Variants in TNFSF4 observed in about 807,000 individuals in gnomAD.
The protein encoded by TNFSF4 is TNF superfamily member 4, also known as tumor necrosis factor ligand superfamily member 4.
TNFSF4 carries 4 observed loss-of-function variants against 7.3 expected under a neutral mutation model. That is an observed-to-expected ratio of 0.55 (90% CI 0.27 to 1.25). The LOEUF (loss-of-function observed/expected upper bound fraction) is 1.25. TNFSF4 is among the 50% of genes most tolerant of loss of function. The pLI, the probability that TNFSF4 is intolerant of heterozygous loss-of-function variation, is 0.12. For missense variants in TNFSF4, 181 were observed against 208.8 expected, an observed-to-expected ratio of 0.87 and a Z score of 0.82; for synonymous variants, 76 against 83.7, an observed-to-expected ratio of 0.91 and a Z score of 0.50.
At chr1:173,257,880 C>T in the TNFSF4 span, among the ~76,000 whole-genome samples, 1 of 152,106 alleles carries the variant, frequency 6.6e-6, no homozygotes, top group Non-Finnish European at 1.5e-5. Context: ...CTGGCACCAC[C>T]CTCCAGATGT....
the TNFSF4 span, among the ~76,000 whole-genome samples, chr1:173,317,322 T>C: frequency 6.6e-6 from 1 of 152,356 alleles, no homozygotes; most frequent in South Asian, 2.1e-4. Context: ...AACAGCATGA[T>C]GATACCTGCA....
chr1:173,400,906 G>A, the TNFSF4 span, among the ~76,000 whole-genome samples: 46 of 152,276 alleles, frequency 3.0e-4, no homozygotes, highest in East Asian at 7.7e-3. Flanking sequence ...AATAAGTAGT[G>A]ATAGAAAGTA....
the TNFSF4 span, among the ~76,000 whole-genome samples, chr1:173,214,128 A>G: frequency 6.6e-6 from 1 of 152,190 alleles, no homozygotes; most frequent in Admixed American, 6.5e-5. Flanking sequence ...GAGTTTTTGC[A>G]TATGTTTATT....
the TNFSF4 span, among the ~76,000 whole-genome samples, chr1:173,375,540 C>T: frequency 6.6e-6 from 1 of 152,098 alleles, no homozygotes; most frequent in Admixed American, 6.5e-5. Flanking sequence ...TTGTAAAACT[C>T]ACCAATCAGC....
At chr1:173,373,532 C>T in the TNFSF4 span, among the ~76,000 whole-genome samples, 1 of 152,212 alleles carries the variant, frequency 6.6e-6, no homozygotes, top group African/African-American at 2.4e-5. Context: ...AGACCCTCCA[C>T]CAAACTTTTC....
the TNFSF4 span, among the ~76,000 whole-genome samples, chr1:173,441,125 T>C: frequency 6.6e-6 from 1 of 152,162 alleles, no homozygotes; most frequent in Non-Finnish European, 1.5e-5. Context: ...ACAGTTCAAC[T>C]CCAACCACCA....
chr1:173,225,263 A>C, the TNFSF4 span, among the ~76,000 whole-genome samples: 1 of 152,284 alleles, frequency 6.6e-6, no homozygotes, highest in East Asian at 1.9e-4. Flanking sequence ...ACACTTTCTC[A>C]CTCATCCTTA....
chr1:173,263,704 C>T, the TNFSF4 span, among the ~76,000 whole-genome samples: 1 of 141,790 alleles, frequency 7.1e-6, no homozygotes, highest in African/African-American at 2.6e-5. Flanking sequence ...GCTGAGATGG[C>T]CCTTCAGAGA....
chr1:173,435,294 T>C, the TNFSF4 span, among the ~76,000 whole-genome samples: 1 of 152,222 alleles, frequency 6.6e-6, no homozygotes, highest in Non-Finnish European at 1.5e-5. Flanking sequence ...TTCTAAAACT[T>C]ACTAAATAAC....
chr1:173,427,595 AG>A, the TNFSF4 span, among the ~76,000 whole-genome samples: 1 of 152,238 alleles, frequency 6.6e-6, no homozygotes, highest in Non-Finnish European at 1.5e-5. Flanking sequence ...TCGTTTTGAC[AG>A]AAAAATGAAA....
At chr1:173,377,192 A>G in the TNFSF4 span, among the ~76,000 whole-genome samples, 9 of 152,322 alleles carry the variant, frequency 5.9e-5, no homozygotes, top group East Asian at 1.5e-3. Flanking sequence ...CCACAAATGT[A>G]CAATCACCAA....
chr1:173,228,767 A>C, the TNFSF4 span, among the ~76,000 whole-genome samples: 1 of 152,226 alleles, frequency 6.6e-6, no homozygotes, highest in Non-Finnish European at 1.5e-5. Flanking sequence ...CATGGCAAAG[A>C]AACTAAGTGA....
chr1:173,319,208 G>A, the TNFSF4 span, among the ~76,000 whole-genome samples: 1 of 152,190 alleles, frequency 6.6e-6, no homozygotes, highest in Non-Finnish European at 1.5e-5. Flanking sequence ...TCCCCTGACA[G>A]TGCTAAAGGG....
chr1:173,178,648 T>A, the TNFSF4 span, among the ~76,000 whole-genome samples: 1 of 152,204 alleles, frequency 6.6e-6, no homozygotes, highest in Non-Finnish European at 1.5e-5. Context: ...TTGGCTTCTA[T>A]TTTCTTTTCT....
chr1:173,414,005 A>G, the TNFSF4 span, among the ~76,000 whole-genome samples: 1 of 152,180 alleles, frequency 6.6e-6, no homozygotes, highest in Non-Finnish European at 1.5e-5. Flanking sequence ...AAATCACATG[A>G]CAGGAGGAAA....
the TNFSF4 span, among the ~76,000 whole-genome samples, chr1:173,317,906 A>C: frequency 6.6e-6 from 1 of 152,236 alleles, no homozygotes; most frequent in East Asian, 1.9e-4. Flanking sequence ...AGGGAAACTA[A>C]CACCACCATC....
At chr1:173,361,225 T>C in the TNFSF4 span, among the ~76,000 whole-genome samples, 6 of 152,136 alleles carry the variant, frequency 3.9e-5, no homozygotes, top group Non-Finnish European at 8.8e-5. Flanking sequence ...ATATGCTGAG[T>C]GGATCTACAA....
the TNFSF4 span, among the ~76,000 whole-genome samples, chr1:173,229,609 A>C: frequency 6.6e-6 from 1 of 152,228 alleles, no homozygotes; most frequent in Non-Finnish European, 1.5e-5. Flanking sequence ...AAATGGGCTA[A>C]ATGCTCCAAT....
chr1:173,218,074 T>C, the TNFSF4 span, among the ~76,000 whole-genome samples: 1 of 152,150 alleles, frequency 6.6e-6, no homozygotes, highest in South Asian at 2.1e-4. Flanking sequence ...CCTTGTGATA[T>C]TTGTATTGGA....
Sources: allele counts gnomAD v4.1 joint callset (sites outside exome capture counted in the v4.1 genomes callset), GRCh38; gene constraint gnomAD v4.1.1; transcripts MANE v1.5; gene names NCBI Gene and HGNC (gene_info 2026-07-23, HGNC 2026-07-21).